ZNF729: variants seen among roughly 807,000 people sequenced by gnomAD.
The protein encoded by ZNF729 is zinc finger protein 729.
In ZNF729, 15 loss-of-function variants were observed where a neutral mutation model predicts 12.2. The ratio of observed to expected loss-of-function variants is 1.23; its 90% CI spans 0.82 to 1.89. ZNF729 has a LOEUF of 1.89. ZNF729 is among the 40% of genes most tolerant of loss of function. The probability of loss-of-function intolerance (pLI) is 0.00; values close to 1 mark genes in which losing one functional copy is unlikely to be tolerated. For missense variants in ZNF729, 1,540 were observed against 1,456.7 expected (o/e 1.06, Z -0.93); for synonymous variants, 492 against 476.3 (o/e 1.03, Z -0.43).
Position 22,304,566 on chromosome 19 carries a change from T to C in ZNF729, c.158-122T>C, listed in dbSNP as rs966230212. ...AAAATACTTTCTAAATATTTAGAAA[T>C]GTATGTTATAAATTAGTATTGGGGG... is the stretch of plus-strand genomic sequence containing the variant. On this transcript the variant is annotated intron_variant, in intron 2 of 3. Coordinates refer to ENST00000601693, the MANE Select transcript of ZNF729 (RefSeq NM_001242680.2). 3 of 836,920 alleles carry C rather than the reference T, an allele frequency of 3.6e-6. No individual in the cohort carries two copies. The African/African-American group carries it at 5.2e-5, about 15-fold the overall frequency. 51.8% of individuals were successfully genotyped at this position (836,920 alleles called of 1,614,324 possible). A position where few individuals can be genotyped will look rare whatever the true frequency, so the allele number is the denominator to read the frequency against.
At chr19:22,287,238 C>T (rs1416677494) in intron 1 of ZNF729, among the ~76,000 whole-genome samples, 1 of 140,832 alleles carries the variant, frequency 7.1e-6, no homozygotes, top group Non-Finnish European at 1.6e-5. Context: ...GTATAATTTA[C>T]AAAAAAAAAA....
At chr19:22,307,831 A>G (rs1239706999) in intron 3 of ZNF729, among the ~76,000 whole-genome samples, 2 of 61,386 alleles carry the variant, frequency 3.3e-5, no homozygotes, top group East Asian at 4.0e-4. Context: ...TTTTGTCTTT[A>G]AGTAACCTGT....
chr19:22,315,621 C>T lies in ZNF729; in HGVS notation c.2204C>T (p.Thr735Ile). 3.7e-6 allele frequency: 6 copies of T among 1,608,832 alleles called. No individual in the cohort carries two copies. The highest frequency in any genetic ancestry group is 5.1e-6 in the Non-Finnish European group (6 of 1,179,056). The change falls in exon 4 of 4, where the codon ACT becomes ATT. Residue 735 changes from threonine (T) to isoleucine (I), a missense_variant. Transcript: ENST00000601693. ...CTTACTGTACATAAGGTAATTCATACTGCAGAGAAACCCTGCAAATGTGAA... is the reference window on the plus strand; with the variant it reads ...CTTACTGTACATAAGGTAATTCATATTGCAGAGAAACCCTGCAAATGTGAA... ...SKLTVHKVIH[T>I]AEKPCKCEEC...
intron 1 of ZNF729, among the ~76,000 whole-genome samples, chr19:22,292,777 G>A (rs988166535): frequency 6.6e-5 from 10 of 152,234 alleles, no homozygotes; most frequent in Admixed American, 5.2e-4. Context: ...CCATTGATAG[G>A]CATTTAGGTT....
At position 22,314,377 on chromosome 19, in the gene ZNF729, C is replaced by A; in HGVS notation, c.960C>A (p.Tyr320Ter). The A allele has an allele frequency of 1.9e-6, 3 of 1,593,858 alleles. No individual in the cohort carries two copies. Among genetic ancestry groups the A allele is most frequent in the Non-Finnish European group, 2.6e-6 (3 of 1,167,536 alleles). The change falls in exon 4 of 4, where the codon TAC becomes TAA. Residue 320 changes from tyrosine to a stop codon, truncating the protein, a stop_gained. Coordinates refer to ENST00000601693, the MANE Select transcript of ZNF729 (RefSeq NM_001242680.2). LOFTEE classifies it low-confidence loss of function (END_TRUNC). ...TAATTCATACTGCAGAGAAACCCTA[C>A]AAATGTGAAGATTGTGGCAAAACTT... ...HKVIHTAEKP[Y>*]KCEDCGKTFN...
intron 1 of ZNF729, among the ~76,000 whole-genome samples, chr19:22,288,316 T>G (rs1479319864): frequency 1.3e-5 from 2 of 151,916 alleles, no homozygotes; most frequent in East Asian, 3.9e-4. Context: ...GTACTGTTTT[T>G]TTTTTTTTTT....
intron 3 of ZNF729, among the ~76,000 whole-genome samples, chr19:22,313,438 G>A (rs1240283188): frequency 4.6e-5 from 7 of 152,266 alleles, no homozygotes; most frequent in Middle Eastern, 3.4e-3. Flanking sequence ...CTTTCCTTCT[G>A]TGTGGCTCTT....
At position 22,313,730 on chromosome 19, in the gene ZNF729, C is replaced by G. The variant is rs748492029; in HGVS notation, c.313C>G (p.Gln105Glu). ...AGATCAGAGCACAAAAGATTCTTTC[C>G]AAGAAGTAATACTGAGAACATATGC... ...WPDQSTKDSFQEVILRTYARC... is the reference protein window; with the variant it reads ...WPDQSTKDSFEEVILRTYARC... The change falls in exon 4 of 4, where the codon CAA (glutamine) becomes GAA (glutamate). Residue 105 changes from glutamine to glutamate, a missense_variant. Coordinates refer to ENST00000601693, the MANE Select transcript of ZNF729 (RefSeq NM_001242680.2). The G allele has an allele frequency of 3.8e-6, 6 of 1,569,224 alleles. No individual in the cohort carries two copies. The African/African-American group carries it at 6.8e-5, about 18-fold the overall frequency.
intron 2 of ZNF729, 150 bp downstream of exon 2, chr19:22,304,034 A>G (rs1968348647): frequency 1.7e-6 from 1 of 584,898 alleles, no homozygotes; most frequent in Admixed American, 4.9e-5. Context: ...TGTAGAAAGG[A>G]ATTTTTTTTT....
Position 22,313,828 on chromosome 19 carries a change from AG to A in ZNF729, c.413del (p.Gly138ValfsTer23), listed in dbSNP as rs1233658319. On this transcript the variant is annotated frameshift_variant, in exon 4 of 4. Transcript: ENST00000601693. LOFTEE classifies it low-confidence loss of function (END_TRUNC). ...SANEGKMHKEGYNKLNQCRTA... is the reference protein window; with the variant it reads ...SANEGKMHKEXYNKLNQCRTA... The stretch of plus-strand genomic sequence containing the variant: ...CCAATGAGGGTAAGATGCACAAAGA[AG>A]GTTATAATAAACTTAACCAATGCAG... 1 of 1,584,966 alleles carries A rather than the reference AG, an allele frequency of 6.3e-7. No individual in the cohort carries two copies. The highest frequency in any genetic ancestry group is 1.3e-5 in the African/African-American group (1 of 74,412).
rs1376937711 is a variant in ZNF729 at position 22,308,895 on chromosome 19, C to T, written c.253+4112C>T. ...TTAAGTTCCCGTTTTGACACTATTC[C>T]ACAAGATACAGAGAGAACCCTCCCT... On this transcript the variant is annotated intron_variant, in intron 3 of 3. Coordinates refer to ENST00000601693, the MANE Select transcript of ZNF729 (RefSeq NM_001242680.2). Among the ~76,000 whole-genome samples the T allele has an allele frequency of 2.0e-5, 3 of 152,070 alleles. No individual in the cohort carries two copies. In the East Asian group the frequency reaches 5.8e-4, roughly 29 times the overall value.
intron 3 of ZNF729, among the ~76,000 whole-genome samples, chr19:22,308,018 C>T (rs980529384): frequency 4.6e-5 from 7 of 151,904 alleles, no homozygotes; most frequent in Non-Finnish European, 1.0e-4. Flanking sequence ...TCGTTTCCCT[C>T]CCGCTCTTCC....
intron 1 of ZNF729, among the ~76,000 whole-genome samples, chr19:22,289,150 G>GA (rs1968120165): frequency 6.6e-6 from 1 of 151,112 alleles, no homozygotes; most frequent in Non-Finnish European, 1.5e-5. Context: ...AGAAAGATAA[G>GA]AAAATATTTA....
Position 22,307,299 on chromosome 19 carries a change from C to T in ZNF729, c.253+2516C>T, listed in dbSNP as rs1396585883. On this transcript the variant is annotated intron_variant, in intron 3 of 3. Transcript: ENST00000601693. ...AGGATTACAAGCATGAGCCACTGTG[C>T]GTGTCCACAATGTAGCATTTTTTTT... 3.5e-4 allele frequency among the ~76,000 whole-genome samples: 48 copies of T among 137,678 alleles called. No individual in the cohort carries two copies. In the East Asian group the frequency reaches 9.8e-3, roughly 28 times the overall value. The allele number at this position is 137,678 out of a possible 152,430, so 90.3% of individuals were successfully genotyped here.
At position 22,314,438 on chromosome 19, in the gene ZNF729, A is replaced by G. The variant is rs1968494648; in HGVS notation, c.1021A>G (p.Ile341Val). 1 of 1,599,342 alleles carries G rather than the reference A, an allele frequency of 6.3e-7. No homozygotes were observed. The highest frequency in any genetic ancestry group is 1.3e-5 in the African/African-American group (1 of 74,876). ...CTCAGCCCTTAGAAAACATAAGATAATTCATACTGGAAAGAAACCCTACAA... is the reference window on the plus strand; with the variant it reads ...CTCAGCCCTTAGAAAACATAAGATAGTTCATACTGGAAAGAAACCCTACAA... ...HFSALRKHKIIHTGKKPYKRE... is the reference protein window; with the variant it reads ...HFSALRKHKIVHTGKKPYKRE... Residue 341 changes from isoleucine to valine, a missense_variant, in exon 4 of 4, where the codon ATT becomes GTT. Coordinates refer to ENST00000601693, the MANE Select transcript of ZNF729 (RefSeq NM_001242680.2).
In ZNF729 at chr19:22,310,087, A is replaced by G. The variant is rs148003905; in HGVS notation, c.254-3584A>G. Among the ~76,000 whole-genome samples the G allele has an allele frequency of 4.5e-3, 686 of 151,994 alleles. 8 individuals are homozygous for G. Among genetic ancestry groups the G allele is most frequent in the African/African-American group, 0.015 (627 of 41,492 alleles). On this transcript the variant is annotated intron_variant, in intron 3 of 3. Transcript: ENST00000601693. ...TTGTATCTGAAAGCTTTGCTGAATT[A>G]TTTTATCATTTCTAGGAGCTTTCTT...
At position 22,291,059 on chromosome 19, in the gene ZNF729, G is replaced by T. The variant is rs955342405; in HGVS notation, c.30+4504G>T. ...AGTAAGAACAATGTTGTGAGACTGA[G>T]CCCTGAATCAGGGTCTGTGCTGACT... On this transcript the variant is annotated intron_variant, in intron 1 of 3. Coordinates refer to ENST00000601693, the MANE Select transcript of ZNF729 (RefSeq NM_001242680.2). 3.2e-4 allele frequency among the ~76,000 whole-genome samples: 48 copies of T among 152,302 alleles called. 1 individual carries two copies. The highest frequency in any genetic ancestry group is 8.4e-4 in the African/African-American group (35 of 41,572).
intron 1 of ZNF729, among the ~76,000 whole-genome samples, chr19:22,290,845 G>T (rs1214872253): frequency 6.6e-6 from 1 of 152,062 alleles, no homozygotes; most frequent in African/African-American, 2.4e-5. Flanking sequence ...AATGGGAAGG[G>T]TATTTCTTTC....
chr19:22,289,226 ATT>A (rs373375131), intron 1 of ZNF729, among the ~76,000 whole-genome samples: 3,097 of 140,448 alleles, frequency 0.022, 86 homozygotes, highest in African/African-American at 0.077. Flanking sequence ...CCATTTGTTA[ATT>A]TTTTTTTTTT....
Sources: allele counts gnomAD v4.1 joint callset (sites outside exome capture counted in the v4.1 genomes callset), GRCh38; gene constraint gnomAD v4.1.1; transcripts MANE v1.5; gene names NCBI Gene and HGNC (gene_info 2026-07-23, HGNC 2026-07-21).